The following LARGE1 variants were observed in gnomAD, a reference collection of about 807,000 sequenced individuals.
LARGE1 encodes xylosyl- and glucuronyltransferase LARGE1.
Under a neutral mutation model 87.6 loss-of-function variants are expected in LARGE1, and 43 were observed. The observed-to-expected ratio is 0.49, with a 90% confidence interval of 0.38 to 0.63. LARGE1 has a LOEUF of 0.63. LARGE1 is among the 30% of genes least tolerant of loss of function. The probability of loss-of-function intolerance (pLI) is 0.00; values close to 1 mark genes in which losing one functional copy is unlikely to be tolerated. For missense variants in LARGE1, 802 were observed against 1,000.2 expected, an observed-to-expected ratio of 0.80 and a Z score of 2.67; for synonymous variants, 434 against 394.6, an observed-to-expected ratio of 1.10 and a Z score of -1.18.
chr22:33,662,423 C>T (rs1002407064), intron 2 of LARGE1, among the ~76,000 whole-genome samples: 6 of 152,188 alleles, frequency 3.9e-5, no homozygotes, highest in Non-Finnish European at 7.3e-5. Context: ...ACCCCATCTC[C>T]TCTACAGTCA....
chr22:33,701,671 C>G (rs1304194069), intron 2 of LARGE1, among the ~76,000 whole-genome samples: 1 of 152,200 alleles, frequency 6.6e-6, no homozygotes, highest in African/African-American at 2.4e-5. Context: ...ATCTCAACAG[C>G]AAAAGTGATT....
At chr22:33,816,725 C>CAGAG in intron 1 of LARGE1, among the ~76,000 whole-genome samples, 1 of 150,094 alleles carries the variant, frequency 6.7e-6, no homozygotes, top group East Asian at 1.9e-4. Flanking sequence ...GACAGACAGA[C>CAGAG]AGACAGACAG....
At chr22:33,922,743 T>C (rs564693413), upstream of LARGE1, 25 of 152,322 alleles carry the variant, frequency 1.6e-4, no homozygotes, top group African/African-American at 6.0e-4. Flanking sequence ...TAGAGACCAT[T>C]AAAGTGTCAA....
At chr22:33,489,170 C>G (rs1399116023) in intron 6 of LARGE1, among the ~76,000 whole-genome samples, 1 of 152,174 alleles carries the variant, frequency 6.6e-6, no homozygotes, top group Non-Finnish European at 1.5e-5. Context: ...TATACTGTAG[C>G]AGGAGAAAAC....
chr22:33,181,669 C>T (rs561135504), intron 11 of LARGE1, among the ~76,000 whole-genome samples: 3 of 151,926 alleles, frequency 2.0e-5, no homozygotes, highest in Non-Finnish European at 2.9e-5. Flanking sequence ...GCTGGGATTA[C>T]AAGCGCCCGC....
At chr22:33,758,498 CT>C (rs2084605375) in intron 2 of LARGE1, among the ~76,000 whole-genome samples, 1 of 152,186 alleles carries the variant, frequency 6.6e-6, no homozygotes, top group Non-Finnish European at 1.5e-5. Context: ...CTAAATGCAG[CT>C]CGTGATTTGG....
intron 3 of LARGE1, among the ~76,000 whole-genome samples, chr22:33,628,869 G>A (rs770196614): frequency 1.3e-5 from 2 of 152,052 alleles, no homozygotes; most frequent in Non-Finnish European, 2.9e-5. Context: ...GGGGGCAGGG[G>A]GATGCTACTG....
intron 5 of LARGE1, among the ~76,000 whole-genome samples, chr22:33,596,545 G>C (rs1253914627): frequency 1.3e-5 from 2 of 152,116 alleles, no homozygotes; most frequent in Non-Finnish European, 2.9e-5. Context: ...TTTAACCTCT[G>C]TCACCCTGCC....
intron 1 of LARGE1, among the ~76,000 whole-genome samples, chr22:33,842,470 A>G (rs1350742080): frequency 6.6e-6 from 1 of 152,186 alleles, no homozygotes; most frequent in Non-Finnish European, 1.5e-5. Context: ...ACTAATATTC[A>G]TATCTTGAGC....
the LARGE1 span, among the ~76,000 whole-genome samples, chr22:33,127,746 C>T: frequency 2.0e-5 from 3 of 152,064 alleles, no homozygotes; most frequent in African/African-American, 7.3e-5. Flanking sequence ...GAGTGTCACA[C>T]CTTGAATACA....
At chr22:33,678,276 T>A (rs2081641367) in intron 2 of LARGE1, among the ~76,000 whole-genome samples, 1 of 152,224 alleles carries the variant, frequency 6.6e-6, no homozygotes, top group South Asian at 2.1e-4. Flanking sequence ...AGCTGCTTTT[T>A]ATCCCTACAA....
intron 1 of LARGE1, among the ~76,000 whole-genome samples, chr22:33,818,355 T>A (rs1255345463): frequency 6.6e-6 from 1 of 152,180 alleles, no homozygotes; most frequent in Non-Finnish European, 1.5e-5. Flanking sequence ...ATCAACTCAC[T>A]CAGGGATGTC....
At chr22:33,258,582 G>C (rs963592383) in intron 11 of LARGE1, among the ~76,000 whole-genome samples, 5 of 152,152 alleles carry the variant, frequency 3.3e-5, no homozygotes, top group Non-Finnish European at 5.9e-5. Context: ...AGATGTTTAC[G>C]GTTAAGGGAA....
intron 1 of LARGE1, among the ~76,000 whole-genome samples, chr22:33,813,968 C>T (rs113895596): frequency 8.5e-5 from 13 of 152,070 alleles, no homozygotes; most frequent in East Asian, 3.9e-4. Flanking sequence ...AAGCCTAAAA[C>T]GTAAATATTA....
At chr22:33,196,855 C>T (rs947640709) in intron 11 of LARGE1, among the ~76,000 whole-genome samples, 4 of 152,036 alleles carry the variant, frequency 2.6e-5, no homozygotes, top group South Asian at 2.1e-4. Flanking sequence ...TGCCTCATGG[C>T]TTTACACTCA....
At chr22:33,830,538 C>T (rs2062935645) in intron 1 of LARGE1, among the ~76,000 whole-genome samples, 4 of 152,188 alleles carry the variant, frequency 2.6e-5, no homozygotes, top group African/African-American at 9.7e-5. Flanking sequence ...TGAACATTTC[C>T]CTGCCTCAGT....
chr22:33,744,161 A>G (rs1219723762), intron 2 of LARGE1: 1 of 152,220 alleles, frequency 6.6e-6, no homozygotes, highest in Non-Finnish European at 1.5e-5. Context: ...ATCTCCTCAA[A>G]AACGAAAGGA....
chr22:33,089,314 TTTC>T, the LARGE1 span, among the ~76,000 whole-genome samples: 3 of 115,680 alleles, frequency 2.6e-5, no homozygotes, highest in African/African-American at 9.0e-5. Context: ...CTTCTTCTTC[TTTC>T]TTCTTTCTTC....
intron 9 of LARGE1, among the ~76,000 whole-genome samples, chr22:33,353,006 T>C (rs1367526138): frequency 6.6e-6 from 1 of 152,168 alleles, no homozygotes; most frequent in Non-Finnish European, 1.5e-5. Context: ...AGCTCTTCCT[T>C]AGCTACATTA....
Sources: allele counts gnomAD v4.1 joint callset (sites outside exome capture counted in the v4.1 genomes callset), GRCh38; gene constraint gnomAD v4.1.1; transcripts MANE v1.5; gene names NCBI Gene and HGNC (gene_info 2026-07-23, HGNC 2026-07-21).